LPP: variants seen among roughly 807,000 people sequenced by gnomAD.
LPP encodes lipoma-preferred partner.
LPP carries 38 observed loss-of-function variants against 60.4 expected under a neutral mutation model. The observed-to-expected ratio is 0.63, with a 90% CI of 0.49 to 0.83. The LOEUF (loss-of-function observed/expected upper bound fraction) is 0.83, where lower values mean the gene tolerates loss of function less well. Among genes scored for constraint, LPP ranks in the 40% least tolerant of loss-of-function variants. The pLI is 0.00. For missense variants in LPP, 902 were observed against 783.6 expected, an observed-to-expected ratio of 1.15 and a Z score of -1.80; for synonymous variants, 328 against 290.8, an observed-to-expected ratio of 1.13 and a Z score of -1.30.
chr3:188,884,771 T>C lies in LPP; in HGVS notation c.*10292T>C, dbSNP rs1770469994. On this transcript the variant is annotated 3_prime_UTR_variant, in exon 12 of 12. Coordinates refer to ENST00000617246, the MANE Select transcript of LPP (RefSeq NM_001375462.1). ...GGCAGAAACCGCCGTAGGTTAGCAA[T>C]GCATTTTAGTCTTTCTCTCCATTCA... 4.4e-6 allele frequency: 1 copy of C among 225,968 alleles called. No individual in the cohort carries two copies. 14.0% of individuals were successfully genotyped at this position (225,968 alleles called of 1,614,324 possible).
chr3:188,778,668 A>G (rs1738591158), intron 9 of LPP, among the ~76,000 whole-genome samples: 1 of 152,144 alleles, frequency 6.6e-6, no homozygotes, highest in African/African-American at 2.4e-5. Context: ...GTACAGAGTG[A>G]ATTGTTAGGT....
At chr3:188,328,601 G>A (rs924183203) in intron 2 of LPP, among the ~76,000 whole-genome samples, 2 of 152,080 alleles carry the variant, frequency 1.3e-5, no homozygotes, top group African/African-American at 4.8e-5. Flanking sequence ...AAGAACCATA[G>A]TTCGTCAGTC....
chr3:188,813,191 T>C (rs775910872), intron 9 of LPP, among the ~76,000 whole-genome samples: 24 of 152,182 alleles, frequency 1.6e-4, no homozygotes, highest in Non-Finnish European at 2.8e-4. Context: ...TTGTACTCCA[T>C]GTATATTTTT....
intron 4 of LPP, among the ~76,000 whole-genome samples, chr3:188,472,989 C>G (rs747862044): frequency 2.0e-5 from 3 of 152,036 alleles, no homozygotes; most frequent in Non-Finnish European, 4.4e-5. Flanking sequence ...TTTGGGGTCA[C>G]AGTGGGCTGC....
intron 1 of LPP, chr3:188,213,042 A>G (rs2149219028): frequency 6.6e-6 from 1 of 152,322 alleles, no homozygotes; most frequent in African/African-American, 2.4e-5. Context: ...TATATTTTTT[A>G]AAAAGTAGGT....
intron 1 of LPP, among the ~76,000 whole-genome samples, chr3:188,159,635 C>G (rs1458233017): frequency 1.3e-5 from 2 of 152,138 alleles, no homozygotes; most frequent in Admixed American, 6.5e-5. Context: ...TAAAATAGTT[C>G]ACTGCAGCCA....
chr3:188,310,588 T>C (rs1753089973), intron 2 of LPP, among the ~76,000 whole-genome samples: 1 of 152,218 alleles, frequency 6.6e-6, no homozygotes, highest in Non-Finnish European at 1.5e-5. Flanking sequence ...TCAATAGATT[T>C]GAGTTTTCAT....
At chr3:188,271,148 G>A (rs1737596263) in intron 2 of LPP, among the ~76,000 whole-genome samples, 1 of 152,140 alleles carries the variant, frequency 6.6e-6, no homozygotes, top group Non-Finnish European at 1.5e-5. Flanking sequence ...ATTTTTCTTT[G>A]TGATTTCCTG....
intron 2 of LPP, among the ~76,000 whole-genome samples, chr3:188,259,217 C>T (rs1732728479): frequency 6.6e-6 from 1 of 152,168 alleles, no homozygotes; most frequent in Non-Finnish European, 1.5e-5. Context: ...AGAATGGCTT[C>T]CATGGAGATA....
At chr3:188,811,312 T>C (rs1020160995) in intron 9 of LPP, among the ~76,000 whole-genome samples, 3 of 150,492 alleles carry the variant, frequency 2.0e-5, no homozygotes, top group Non-Finnish European at 4.4e-5. Flanking sequence ...GTTACTGACC[T>C]TAGGGGTCTT....
rs942216556 is a variant in LPP at position 188,752,613 on chromosome 3, A to C, written c.1241-7500A>C. ...TCAAAAAGTTACTGTCATGACTACT[A>C]TGTGTATAGATGCTATTAGTTTCAT... is the stretch of plus-strand genomic sequence containing the variant. On this transcript the variant is annotated intron_variant, in intron 8 of 11. Coordinates refer to ENST00000617246, the MANE Select transcript of LPP (RefSeq NM_001375462.1). Among the ~76,000 whole-genome samples the C allele has an allele frequency of 3.9e-5, 6 of 152,112 alleles. 1 individual carries two copies. Among genetic ancestry groups the C allele is most frequent in the Admixed American group, 6.5e-5 (1 of 15,274 alleles).
chr3:188,456,463 G>A (rs1797768107), intron 4 of LPP, among the ~76,000 whole-genome samples: 1 of 152,238 alleles, frequency 6.6e-6, no homozygotes, highest in Admixed American at 6.5e-5. Flanking sequence ...ATAAGAATGT[G>A]ATGAACAAAT....
At chr3:188,211,420 G>A (rs953062680) in intron 1 of LPP, among the ~76,000 whole-genome samples, 2 of 152,076 alleles carry the variant, frequency 1.3e-5, no homozygotes, top group Non-Finnish European at 2.9e-5. Context: ...ACAGTAGAAC[G>A]AGATCACTAA....
At chr3:188,176,441 G>A (rs1723067429) in intron 1 of LPP, among the ~76,000 whole-genome samples, 2 of 152,052 alleles carry the variant, frequency 1.3e-5, no homozygotes, top group Non-Finnish European at 2.9e-5. Context: ...CAGGCACCCC[G>A]ACTCACAGAC....
chr3:188,463,670 G>A (rs1267739069), intron 4 of LPP, among the ~76,000 whole-genome samples: 1 of 152,060 alleles, frequency 6.6e-6, no homozygotes, highest in East Asian at 1.9e-4. Context: ...TTTCTTCTCT[G>A]GCAGAGACCA....
chr3:188,163,050 C>G (rs775306422), intron 1 of LPP, among the ~76,000 whole-genome samples: 2 of 152,184 alleles, frequency 1.3e-5, no homozygotes, highest in African/African-American at 2.4e-5. Flanking sequence ...AGGTTGTGCG[C>G]TGATTTGTCA....
chr3:188,448,903 C>T (rs141130741), intron 4 of LPP, among the ~76,000 whole-genome samples: 18 of 152,294 alleles, frequency 1.2e-4, no homozygotes, highest in Middle Eastern at 3.4e-3. Context: ...TCTTTTTAAA[C>T]TGTATTCTAC....
At chr3:188,340,644 A>G (rs1246502502) in intron 2 of LPP, among the ~76,000 whole-genome samples, 1 of 152,140 alleles carries the variant, frequency 6.6e-6, no homozygotes, top group Non-Finnish European at 1.5e-5. Flanking sequence ...AAAGTTGAAA[A>G]TGATGTGCGA....
intron 2 of LPP, among the ~76,000 whole-genome samples, chr3:188,330,985 T>A (rs1171908462): frequency 6.6e-6 from 1 of 152,106 alleles, no homozygotes; most frequent in Non-Finnish European, 1.5e-5. Flanking sequence ...CAGAAGACCA[T>A]TTAGTCTTCT....
Sources: allele counts gnomAD v4.1 joint callset (sites outside exome capture counted in the v4.1 genomes callset), GRCh38; gene constraint gnomAD v4.1.1; transcripts MANE v1.5; gene names NCBI Gene and HGNC (gene_info 2026-07-23, HGNC 2026-07-21).